FGF13: variants seen among roughly 807,000 people sequenced by gnomAD.
FGF13 encodes the protein fibroblast growth factor 13.
FGF13 carries 2 observed loss-of-function variants against 19.5 expected under a neutral mutation model. That is an observed-to-expected ratio of 0.10 (90% confidence interval 0.04 to 0.32). The LOEUF (loss-of-function observed/expected upper bound fraction) is 0.32, where lower values mean the gene tolerates loss of function less well. FGF13 is among the 10% of genes least tolerant of loss of function. The pLI is 1.00. For synonymous variants in FGF13, 72 were observed against 76.9 expected (o/e 0.94, Z 0.33); for missense variants, 113 against 192.7 (o/e 0.59, Z 2.45).
chrX:138,639,939 G>T (rs751725104), intron 3 of FGF13, among the ~76,000 whole-genome samples: 42 of 110,185 alleles, frequency 3.8e-4, no homozygotes, highest in Non-Finnish European at 7.4e-4. Flanking sequence ...GCTGCAGTGA[G>T]CCGAGACTGC....
At chrX:138,822,991 G>C (rs1466768489) in intron 3 of FGF13, among the ~76,000 whole-genome samples, 1 of 111,651 alleles carries the variant, frequency 9.0e-6, no homozygotes, top group African/African-American at 3.3e-5. Flanking sequence ...GTGTGGAGAT[G>C]AGGAAAGTGT....
At chrX:139,093,798 C>G (rs962746512) in intron 1 of FGF13, among the ~76,000 whole-genome samples, 3 of 111,807 alleles carry the variant, frequency 2.7e-5, no homozygotes, top group African/African-American at 9.8e-5. Context: ...TGTCACAACA[C>G]CCCCCATATA....
chrX:138,931,027 C>A (rs1033790428), intron 1 of FGF13, among the ~76,000 whole-genome samples: 5 of 112,653 alleles, frequency 4.4e-5, no homozygotes, highest in Non-Finnish European at 7.5e-5. Flanking sequence ...AAGTCTATTT[C>A]TTATGAATTA....
In FGF13 at chrX:138,947,030, C is replaced by T. The variant is rs979899825; in HGVS notation, c.-112-82380G>A. Among the ~76,000 whole-genome samples the T allele has an allele frequency of 6.2e-5, 7 of 112,083 alleles. No individual in the cohort carries two copies. In the East Asian group the frequency reaches 1.1e-3, roughly 18 times the overall value. On this transcript the variant is annotated intron_variant, in intron 1 of 2. Transcript: ENST00000421460. ...AGGACAAATCTAAACTACTTCATTACGCCAGTGTGGCTAAAAGGGCTCTCT... is the reference window on the plus strand; with the variant it reads ...AGGACAAATCTAAACTACTTCATTATGCCAGTGTGGCTAAAAGGGCTCTCT...
intron 3 of FGF13, among the ~76,000 whole-genome samples, chrX:138,792,309 A>G (rs1398189819): frequency 8.9e-6 from 1 of 112,324 alleles, no homozygotes; most frequent in Non-Finnish European, 1.9e-5. Flanking sequence ...TATTACGCCT[A>G]TTCTTCAGAT....
rs2083545719 is a variant in FGF13, at chrX:139,104,734, C to T, written c.-113+98682G>A. Among the ~76,000 whole-genome samples, 4 of 110,982 alleles carry T rather than the reference C, an allele frequency of 3.6e-5. No homozygotes were observed. In the Admixed American group the frequency reaches 3.8e-4, roughly 11 times the overall value. ...AAAACAAACAACTACCCCTTGTAACCTCACATGAAGGAAAGGCAGGGAGCT... is the reference window on the plus strand; with the variant it reads ...AAAACAAACAACTACCCCTTGTAACTTCACATGAAGGAAAGGCAGGGAGCT... On this transcript the variant is annotated intron_variant, in intron 1 of 2. Transcript: ENST00000421460.
intron 1 of FGF13, among the ~76,000 whole-genome samples, chrX:139,022,747 A>C (rs2092183133): frequency 9.0e-6 from 1 of 111,198 alleles, no homozygotes; most frequent in South Asian, 3.8e-4. Flanking sequence ...CTCTGCAATC[A>C]TTTTAAAAGG....
At chrX:139,084,793 C>T (rs762798834) in intron 1 of FGF13, among the ~76,000 whole-genome samples, 3 of 112,365 alleles carry the variant, frequency 2.7e-5, no homozygotes, top group African/African-American at 6.5e-5. Flanking sequence ...CAGAATAAAA[C>T]GGTCCAATGA....
chrX:138,938,387 G>T (rs186048680), intron 1 of FGF13, among the ~76,000 whole-genome samples: 62 of 111,725 alleles, frequency 5.5e-4, no homozygotes, highest in African/African-American at 2.0e-3. Flanking sequence ...GCTTTTGGGG[G>T]AAACTTAGTC....
At chrX:138,942,564 C>T (rs2091763419) in intron 1 of FGF13, among the ~76,000 whole-genome samples, 1 of 111,706 alleles carries the variant, frequency 9.0e-6, no homozygotes, top group Non-Finnish European at 1.9e-5. Flanking sequence ...CTCTCCTTCC[C>T]CACTTCCTTG....
At chrX:138,979,519 C>T (rs1478925647) in intron 1 of FGF13, among the ~76,000 whole-genome samples, 3 of 110,048 alleles carry the variant, frequency 2.7e-5, no homozygotes, top group African/African-American at 9.9e-5. Context: ...ATCTTCCTAC[C>T]ATTTGTATAT....
chrX:138,873,957 G>A (rs1721767729), intron 1 of FGF13, among the ~76,000 whole-genome samples: 1 of 85,867 alleles, frequency 1.2e-5, no homozygotes, highest in Non-Finnish European at 2.2e-5. Context: ...GAACAATGAG[G>A]ACACTTGGAC....
At chrX:139,129,909 C>T (rs1045848787) in intron 1 of FGF13, among the ~76,000 whole-genome samples, 4 of 111,792 alleles carry the variant, frequency 3.6e-5, no homozygotes, top group Non-Finnish European at 5.6e-5. Context: ...TCGGAGAAAG[C>T]CACTTGTCCG....
rs143232224 is a variant in FGF13, at chrX:138,883,705, C to G, written c.-112-19055G>C. 6.6e-3 allele frequency among the ~76,000 whole-genome samples: 739 copies of G among 111,296 alleles called. 4 individuals are homozygous for G. Among genetic ancestry groups the G allele is most frequent in the South Asian group, 0.02 (52 of 2,614 alleles). ...GATGAAAAGCAATGTAAAATGAGATCCAGGAATAATACAGCCACAATCCAG... is the reference window on the plus strand; with the variant it reads ...GATGAAAAGCAATGTAAAATGAGATGCAGGAATAATACAGCCACAATCCAG... On this transcript the variant is annotated intron_variant, in intron 1 of 2. Transcript: ENST00000421460.
intron 1 of FGF13, among the ~76,000 whole-genome samples, chrX:138,730,832 A>G (rs2090224850): frequency 9.0e-6 from 1 of 111,575 alleles, no homozygotes; most frequent in Non-Finnish European, 1.9e-5. Context: ...AGAAACAGAC[A>G]TTAAACATAA....
chrX:138,984,596 GGA>G (rs2091983315), intron 1 of FGF13, among the ~76,000 whole-genome samples: 4 of 42,688 alleles, frequency 9.4e-5, no homozygotes, highest in African/African-American at 3.0e-4. Context: ...AGAAGGAGGA[GGA>G]GGAGGAGGAG....
chrX:139,196,617 A>G (rs759613509), intron 1 of FGF13, among the ~76,000 whole-genome samples: 38 of 112,332 alleles, frequency 3.4e-4, no homozygotes, highest in Non-Finnish European at 6.2e-4. Context: ...GCAAACCTGC[A>G]TTAGAAAGAC....
chrX:139,126,052 G>A (rs1049862890), intron 1 of FGF13, among the ~76,000 whole-genome samples: 1 of 111,933 alleles, frequency 8.9e-6, no homozygotes, highest in Non-Finnish European at 1.9e-5. Context: ...GATGATAAAT[G>A]TACCTATACT....
At chrX:139,143,830 C>A (rs1217281640) in intron 1 of FGF13, among the ~76,000 whole-genome samples, 1 of 111,830 alleles carries the variant, frequency 8.9e-6, no homozygotes, top group Admixed American at 9.5e-5. Context: ...CAAGGGACTT[C>A]CATGCACAGT....
Sources: allele counts gnomAD v4.1 joint callset (sites outside exome capture counted in the v4.1 genomes callset), GRCh38; gene constraint gnomAD v4.1.1; transcripts MANE v1.5; gene names NCBI Gene and HGNC (gene_info 2026-07-23, HGNC 2026-07-21).